Variants in GRM8 observed in about 807,000 individuals in gnomAD.
GRM8 encodes the protein metabotropic glutamate receptor 8.
In GRM8, 47 loss-of-function variants were observed where a neutral mutation model predicts 87.2. The ratio of observed to expected loss-of-function variants is 0.54; its 90% confidence interval spans 0.43 to 0.69. The LOEUF (loss-of-function observed/expected upper bound fraction) is 0.69, where lower values mean the gene tolerates loss of function less well. GRM8 is among the 30% of genes least tolerant of loss of function. The pLI, the probability that GRM8 is intolerant of heterozygous loss-of-function variation, is 0.00. For synonymous variants in GRM8, 396 were observed against 404.5 expected (o/e 0.98, Z 0.25); for missense variants, 1,019 against 1,139.2 (o/e 0.89, Z 1.52).
chr7:127,229,694 T>C (rs1797561205), intron 2 of GRM8: 1 of 152,196 alleles, frequency 6.6e-6, no homozygotes, highest in South Asian at 2.1e-4. Context: ...CCATTTTCAA[T>C]ACAGAATTTA....
chr7:127,151,461 GA>G (rs1314526076), intron 2 of GRM8, among the ~76,000 whole-genome samples: 2 of 151,936 alleles, frequency 1.3e-5, no homozygotes, highest in Non-Finnish European at 2.9e-5. Context: ...TGTCATAAAA[GA>G]AAAAACACCC....
intron 2 of GRM8, among the ~76,000 whole-genome samples, chr7:127,137,134 G>A (rs1376867085): frequency 2.0e-5 from 3 of 151,902 alleles, no homozygotes; most frequent in Non-Finnish European, 2.9e-5. Context: ...TGTAAGCCTT[G>A]ATTATCTCAT....
chr7:126,988,039 G>A (rs1206470629), intron 3 of GRM8, among the ~76,000 whole-genome samples: 1 of 151,456 alleles, frequency 6.6e-6, no homozygotes, highest in Non-Finnish European at 1.5e-5. Flanking sequence ...TAAAATTTGG[G>A]TGTTTCAAAA....
At chr7:127,126,236 C>T (rs1206911119) in intron 2 of GRM8, among the ~76,000 whole-genome samples, 1 of 151,968 alleles carries the variant, frequency 6.6e-6, no homozygotes, top group East Asian at 1.9e-4. Context: ...ACTTAAGTGT[C>T]CATCAGTGGA....
In GRM8 at chr7:126,735,162, T is replaced by G. The variant is rs533062953; in HGVS notation, c.1357+34703A>C. Among the ~76,000 whole-genome samples the G allele has an allele frequency of 4.6e-5, 7 of 152,092 alleles. No homozygotes were observed. The South Asian group carries it at 1.0e-3, about 23-fold the overall frequency. On this transcript the variant is annotated intron_variant, in intron 7 of 10. Transcript: ENST00000339582. Reference sequence around the variant, plus strand: ...TAGGGCAAGTAACACCAAATATGAATAGATGAATTACAGAAATACAATTGT... The same window carrying G: ...TAGGGCAAGTAACACCAAATATGAAGAGATGAATTACAGAAATACAATTGT...
At chr7:126,584,185 GC>G (rs1795878021) in intron 8 of GRM8, among the ~76,000 whole-genome samples, 1 of 151,934 alleles carries the variant, frequency 6.6e-6, no homozygotes, top group Non-Finnish European at 1.5e-5. Flanking sequence ...TAGATATATT[GC>G]CATGGCACAC....
intron 3 of GRM8, among the ~76,000 whole-genome samples, chr7:126,955,094 AAAC>A (rs764888771): frequency 4.5e-4 from 69 of 152,324 alleles, no homozygotes; most frequent in South Asian, 1.0e-3. Context: ...AATAAGAGTG[AAAC>A]AACTAAGATA....
At chr7:127,051,073 A>G (rs1486566798) in intron 3 of GRM8, among the ~76,000 whole-genome samples, 1 of 152,214 alleles carries the variant, frequency 6.6e-6, no homozygotes, top group Non-Finnish European at 1.5e-5. Flanking sequence ...TAATTATAAT[A>G]CAATATTTGC....
At chr7:126,642,988 T>C (rs1802570036) in intron 7 of GRM8, among the ~76,000 whole-genome samples, 1 of 152,008 alleles carries the variant, frequency 6.6e-6, no homozygotes, top group African/African-American at 2.4e-5. Context: ...ACTATCATTG[T>C]TAGTAATAAT....
chr7:126,589,723 C>T (rs1796497243), intron 8 of GRM8, among the ~76,000 whole-genome samples: 1 of 152,150 alleles, frequency 6.6e-6, no homozygotes. Flanking sequence ...TCACAGAATG[C>T]ATTTCACTCC....
At chr7:126,888,520 G>A (rs1223233485) in intron 6 of GRM8, among the ~76,000 whole-genome samples, 12 of 152,058 alleles carry the variant, frequency 7.9e-5, no homozygotes. Context: ...ATGTCCTCTG[G>A]TTCTCTGTTG....
chr7:126,496,211 A>T (rs906541970), intron 9 of GRM8, among the ~76,000 whole-genome samples: 9 of 151,014 alleles, frequency 6.0e-5, no homozygotes, highest in Admixed American at 2.0e-4. Flanking sequence ...AGAGAAAGGG[A>T]GGAAGGAAGG....
At chr7:126,718,218 T>C (rs1475992061) in intron 7 of GRM8, among the ~76,000 whole-genome samples, 2 of 151,852 alleles carry the variant, frequency 1.3e-5, no homozygotes, top group Non-Finnish European at 1.5e-5. Context: ...TGTGACAGAG[T>C]GAGACTCTGT....
intron 6 of GRM8, among the ~76,000 whole-genome samples, chr7:126,832,766 T>C (rs905247061): frequency 6.6e-6 from 1 of 152,206 alleles, no homozygotes; most frequent in Admixed American, 6.5e-5. Context: ...CATTCTTCTA[T>C]TAGTTTATTT....
intron 7 of GRM8, among the ~76,000 whole-genome samples, chr7:126,739,049 G>C (rs1345962729): frequency 6.6e-6 from 1 of 151,954 alleles, no homozygotes; most frequent in East Asian, 1.9e-4. Context: ...GAAGGAACCA[G>C]ATTCCAGAAG....
At chr7:127,215,620 T>C (rs189650067) in intron 2 of GRM8, among the ~76,000 whole-genome samples, 7 of 152,304 alleles carry the variant, frequency 4.6e-5, no homozygotes, top group East Asian at 1.9e-4. Flanking sequence ...TCTCTCTCCA[T>C]TTTTGCCTCT....
intron 7 of GRM8, among the ~76,000 whole-genome samples, chr7:126,688,055 A>G (rs1025273388): frequency 2.0e-5 from 3 of 152,136 alleles, no homozygotes; most frequent in African/African-American, 7.2e-5. Flanking sequence ...ATCATTATGT[A>G]TATTGCAAAT....
chr7:126,943,672 CCT>C (rs1320450124), intron 3 of GRM8, among the ~76,000 whole-genome samples: 4 of 152,158 alleles, frequency 2.6e-5, no homozygotes, highest in Admixed American at 6.5e-5. Context: ...CCATTTCTTC[CCT>C]CTCTCTCATT....
At chr7:126,955,695 C>T (rs1187308242) in intron 3 of GRM8, among the ~76,000 whole-genome samples, 2 of 152,092 alleles carry the variant, frequency 1.3e-5, no homozygotes, top group Non-Finnish European at 2.9e-5. Context: ...TTAACAAATC[C>T]CAATGGGTCT....
Sources: allele counts gnomAD v4.1 joint callset (sites outside exome capture counted in the v4.1 genomes callset), GRCh38; gene constraint gnomAD v4.1.1; transcripts MANE v1.5; gene names NCBI Gene and HGNC (gene_info 2026-07-23, HGNC 2026-07-21).